Variants in GRIN2B observed in about 807,000 individuals in gnomAD.
GRIN2B encodes the protein glutamate receptor ionotropic, NMDA 2B.
GRIN2B carries 5 observed loss-of-function variants against 114.5 expected under a neutral mutation model. That is an observed-to-expected ratio of 0.04 (90% CI 0.02 to 0.09). The LOEUF (loss-of-function observed/expected upper bound fraction) is 0.09, where lower values mean the gene tolerates loss of function less well. GRIN2B is among the 10% of genes least tolerant of loss of function. The pLI is 1.00. For synonymous variants in GRIN2B, 787 were observed against 745.1 expected (o/e 1.06, Z -0.92); for missense variants, 1,108 against 1,943.5 (o/e 0.57, Z 8.08).
intron 4 of GRIN2B, among the ~76,000 whole-genome samples, chr12:13,691,345 TTGTAGATAACACCAGGACA>T (rs368174071): frequency 0.022 from 3,405 of 152,280 alleles, 125 homozygotes; most frequent in African/African-American, 0.078. Context: ...AATTTCTTGT[TTGTAGATAACACCAGGACA>T]TGATGAAGTA....
chr12:13,885,401 T>C (rs181258611), intron 2 of GRIN2B, among the ~76,000 whole-genome samples: 24 of 152,304 alleles, frequency 1.6e-4, no homozygotes, highest in Admixed American at 1.4e-3. Context: ...AGTGCAAGTA[T>C]ACATTCCTAA....
chr12:13,920,202 C>A (rs867910475), intron 2 of GRIN2B, among the ~76,000 whole-genome samples: 48 of 148,586 alleles, frequency 3.2e-4, no homozygotes, highest in Middle Eastern at 3.4e-3. Context: ...AGTTTGAGGC[C>A]AGCCTGGGTA....
rs201234877 is a variant in GRIN2B at position 13,753,676 on chromosome 12, C to T, written c.651G>A (p.Gln217=). The change falls in exon 4 of 14, where the codon CAG becomes CAA. Residue 217 remains glutamine (Q), a synonymous_variant. Transcript: ENST00000609686. This position sits in a 1 kb window ranked among gnomAD's most constrained non-coding sequence, Gnocchi z 6.2. ...MSLDDGDSKI[Q]NQLKKLQSPI... ...GGCTTTGAAGTTTCTTGAGCTGATTCTGGATCTTAGAATCTCCATCGTCCA... is the reference window on the plus strand; with the variant it reads ...GGCTTTGAAGTTTCTTGAGCTGATTTTGGATCTTAGAATCTCCATCGTCCA... The T allele has an allele frequency of 6.2e-7, 1 of 1,614,046 alleles. No homozygotes were observed. The highest frequency in any genetic ancestry group is 2.2e-5 in the East Asian group (1 of 44,896).
intron 5 of GRIN2B, among the ~76,000 whole-genome samples, chr12:13,669,031 G>A (rs917586212): frequency 6.7e-6 from 1 of 148,782 alleles, no homozygotes; most frequent in Non-Finnish European, 1.5e-5. Flanking sequence ...GGGGAGGTGG[G>A]GAGATAGGGA....
chr12:13,955,857 A>G (rs954482067), intron 2 of GRIN2B, among the ~76,000 whole-genome samples: 1 of 152,190 alleles, frequency 6.6e-6, no homozygotes, highest in South Asian at 2.1e-4. Flanking sequence ...TGCAGTGTGA[A>G]GATCAAGAAG....
At chr12:13,964,957 T>C (rs747004730) in intron 2 of GRIN2B, among the ~76,000 whole-genome samples, 9 of 152,210 alleles carry the variant, frequency 5.9e-5, no homozygotes, top group Non-Finnish European at 8.8e-5. Flanking sequence ...TAATATAGGT[T>C]GGGTCCAAGC....
At chr12:13,817,876 A>C (rs929163447) in intron 3 of GRIN2B, among the ~76,000 whole-genome samples, 3 of 152,222 alleles carry the variant, frequency 2.0e-5, no homozygotes, top group Admixed American at 2.0e-4. Flanking sequence ...ATGGAAAGCA[A>C]AGCTGGGATC....
At chr12:13,736,878 G>T (rs550877426) in intron 4 of GRIN2B, among the ~76,000 whole-genome samples, 5 of 151,720 alleles carry the variant, frequency 3.3e-5, no homozygotes, top group African/African-American at 1.2e-4. Context: ...AAAATTAGCC[G>T]GGCGTGGTGG....
chr12:13,817,718 AG>A, intron 3 of GRIN2B, among the ~76,000 whole-genome samples: 1 of 152,296 alleles, frequency 6.6e-6, no homozygotes, highest in Non-Finnish European at 1.5e-5. Context: ...GACTAAGGAG[AG>A]CCCACATATA....
At chr12:13,907,989 T>C (rs1866571314) in intron 2 of GRIN2B, among the ~76,000 whole-genome samples, 2 of 152,176 alleles carry the variant, frequency 1.3e-5, no homozygotes, top group African/African-American at 2.4e-5. Flanking sequence ...ACTGCATTTT[T>C]TTATTTTAAA....
intron 3 of GRIN2B, among the ~76,000 whole-genome samples, chr12:13,825,488 T>C (rs989714167): frequency 1.7e-4 from 13 of 78,584 alleles, no homozygotes; most frequent in African/African-American, 2.5e-4. Context: ...AATAAATATA[T>C]ATATATTTTG....
chr12:13,768,219 T>G (rs2136643127), intron 3 of GRIN2B, among the ~76,000 whole-genome samples: 1 of 152,364 alleles, frequency 6.6e-6, no homozygotes, highest in Non-Finnish European at 1.5e-5. Flanking sequence ...AGCTTTTCTT[T>G]GCACATTAAG....
Position 13,839,691 on chromosome 12 carries a change from G to T in GRIN2B, c.411+26107C>A, listed in dbSNP as rs540955973. On this transcript the variant is annotated intron_variant, in intron 3 of 13. Coordinates refer to ENST00000609686, the MANE Select transcript of GRIN2B (RefSeq NM_000834.5). Reference sequence around the variant, plus strand: ...GGTGTCAGACAAAGGTCTTGTGACTGCACGCCTCAGATTGATGCCACCATG... The same window carrying T: ...GGTGTCAGACAAAGGTCTTGTGACTTCACGCCTCAGATTGATGCCACCATG... Among the ~76,000 whole-genome samples, 45 of 152,308 alleles carry T rather than the reference G, an allele frequency of 3.0e-4. No individual in the cohort carries two copies. In the South Asian group the frequency reaches 9.1e-3, roughly 31 times the overall value.
At chr12:13,622,053 G>T (rs1419209696) in intron 5 of GRIN2B, among the ~76,000 whole-genome samples, 1 of 152,132 alleles carries the variant, frequency 6.6e-6, no homozygotes, top group Admixed American at 6.5e-5. Context: ...TGAGGCTGCT[G>T]CAGTCCTTGC....
chr12:13,648,283 G>A (rs554929769), intron 5 of GRIN2B, among the ~76,000 whole-genome samples: 34 of 152,164 alleles, frequency 2.2e-4, no homozygotes, highest in African/African-American at 7.9e-4. Flanking sequence ...GCTGAGTGCT[G>A]TGAGGGAAAC....
Position 13,564,300 on chromosome 12 carries a change from C to T in GRIN2B, c.2938G>A (p.Val980Met), listed in dbSNP as rs778202551. ...TGATGGTGGTAGTGATCTTGGTACA[C>T]GTTGCTGTCCTTCAGCTGCAGGTTC... is the stretch of plus-strand genomic sequence containing the variant. ...FGNLQLKDSN[V>M]YQDHYHHHHR... The change falls in exon 14 of 14, where the codon GTG becomes ATG. Residue 980 changes from valine (V) to methionine (M), a missense_variant. This residue lies in a region of GRIN2B where 140 missense variants were observed against 187.5 expected (regional missense o/e 0.75). Coordinates refer to ENST00000609686, the MANE Select transcript of GRIN2B (RefSeq NM_000834.5). The surrounding 1 kb of genome is among the most constrained non-coding windows in gnomAD (Gnocchi z 4.8). 4.3e-6 allele frequency: 7 copies of T among 1,614,064 alleles called. No individual in the cohort carries two copies. The East Asian group carries it at 8.9e-5, about 21-fold the overall frequency.
chr12:13,872,875 T>C (rs1865933410), intron 2 of GRIN2B, among the ~76,000 whole-genome samples: 1 of 152,176 alleles, frequency 6.6e-6, no homozygotes, highest in Non-Finnish European at 1.5e-5. Context: ...ACCCAAACAA[T>C]GTAACCATAT....
At chr12:13,664,368 T>A (rs1394644714) in intron 5 of GRIN2B, among the ~76,000 whole-genome samples, 1 of 152,174 alleles carries the variant, frequency 6.6e-6, no homozygotes, top group Non-Finnish European at 1.5e-5. Flanking sequence ...CAAATTTCAT[T>A]CATTCAAGTA....
intron 8 of GRIN2B, among the ~76,000 whole-genome samples, chr12:13,614,188 C>A (rs961311965): frequency 1.3e-5 from 2 of 152,098 alleles, no homozygotes; most frequent in African/African-American, 4.8e-5. Context: ...TAGAAAAATT[C>A]TATGGAGCCT....
Sources: allele counts gnomAD v4.1 joint callset (sites outside exome capture counted in the v4.1 genomes callset), GRCh38; gene constraint gnomAD v4.1.1; regional missense constraint gnomAD v4.1.1; non-coding constraint Gnocchi (gnomAD v3.1); transcripts MANE v1.5; gene names NCBI Gene and HGNC (gene_info 2026-07-23, HGNC 2026-07-21).